Variants in VSIG1 observed in about 807,000 individuals in gnomAD.
VSIG1 encodes V-set and immunoglobulin domain-containing protein 1.
Under a neutral mutation model 20.1 loss-of-function variants are expected in VSIG1, and 11 were observed. That is an observed-to-expected ratio of 0.55 (90% CI 0.34 to 0.91). The LOEUF is 0.91. Among genes scored for constraint, VSIG1 ranks in the 40% least tolerant of loss-of-function variants. The probability of loss-of-function intolerance (pLI) is 0.02; values close to 1 mark genes in which losing one functional copy is unlikely to be tolerated. For synonymous variants in VSIG1, 126 were observed against 116.7 expected, an observed-to-expected ratio of 1.08 and a Z score of -0.52; for missense variants, 283 against 298.8, an observed-to-expected ratio of 0.95 and a Z score of 0.39.
At chrX:108,068,834 C>G (rs1333930258) in intron 3 of VSIG1, among the ~76,000 whole-genome samples, 1 of 111,862 alleles carries the variant, frequency 8.9e-6, no homozygotes, top group Non-Finnish European at 1.9e-5. Flanking sequence ...CTCAGAAGAC[C>G]TGAGTTTTAG....
At chrX:108,061,006 G>T (rs1280118390) in intron 2 of VSIG1, among the ~76,000 whole-genome samples, 1 of 112,362 alleles carries the variant, frequency 8.9e-6, no homozygotes, top group African/African-American at 3.2e-5. Flanking sequence ...ACTAGCCCAA[G>T]ATCAGCTTCG....
intron 1 of VSIG1, among the ~76,000 whole-genome samples, chrX:108,047,405 A>G (rs991551628): frequency 4.5e-5 from 5 of 111,414 alleles, no homozygotes; most frequent in African/African-American, 1.6e-4. Flanking sequence ...TATGCATATC[A>G]TTTTAGGTAT....
At position 108,047,885 on chromosome X, in the gene VSIG1, TAC is replaced by T. The variant is rs1158059422; in HGVS notation, c.49+2712_49+2713del. On this transcript the variant is annotated intron_variant, in intron 1 of 6. Coordinates refer to ENST00000217957, the MANE Select transcript of VSIG1 (RefSeq NM_182607.5). Reference sequence around the variant, plus strand: ...ATATATATATACACATATATATATATACACACATATATATATATACACATATA... The same window carrying T: ...ATATATATATACACATATATATATATACACATATATATATATACACATATA... 2.7e-3 allele frequency among the ~76,000 whole-genome samples: 127 copies of T among 46,596 alleles called. 11 individuals carry two copies. Among genetic ancestry groups the T allele is most frequent in the African/African-American group, 3.7e-3 (23 of 6,286 alleles). 40.5% of individuals were successfully genotyped at this position (46,596 alleles called of 115,157 possible). A position where few individuals can be genotyped will look rare whatever the true frequency, so the allele number is the denominator to read the frequency against.
intron 3 of VSIG1, among the ~76,000 whole-genome samples, chrX:108,067,791 A>G (rs2031162998): frequency 8.9e-6 from 1 of 112,263 alleles, no homozygotes; most frequent in African/African-American, 3.2e-5. Flanking sequence ...GAAGCTCCCA[A>G]TTTTGGCCAT....
At chrX:108,070,957 A>T (rs1392234754) in intron 3 of VSIG1, among the ~76,000 whole-genome samples, 1 of 112,079 alleles carries the variant, frequency 8.9e-6, no homozygotes, top group Admixed American at 9.5e-5. Flanking sequence ...AGCAGGAATT[A>T]GTGCTGCTGT....
At chrX:108,022,524 G>T in the VSIG1 span, among the ~76,000 whole-genome samples, 3 of 111,445 alleles carry the variant, frequency 2.7e-5, no homozygotes, top group African/African-American at 9.8e-5. Context: ...TTCCTATATG[G>T]ATGTCATTTC....
chrX:108,034,331 A>G, the VSIG1 span, among the ~76,000 whole-genome samples: 2 of 111,873 alleles, frequency 1.8e-5, no homozygotes, highest in Non-Finnish European at 3.8e-5. Flanking sequence ...CTTTGAAAAT[A>G]TAAAGGCATA....
intron 5 of VSIG1, among the ~76,000 whole-genome samples, chrX:108,074,222 C>A (rs2147935773): frequency 8.9e-6 from 1 of 112,284 alleles, no homozygotes; most frequent in East Asian, 2.8e-4. Flanking sequence ...TCTTCCTATG[C>A]ACCTGAACTT....
At chrX:108,042,695 G>A (rs2030498507), upstream of VSIG1, among the ~76,000 whole-genome samples, 1 of 111,419 alleles carries the variant, frequency 9.0e-6, no homozygotes, top group Non-Finnish European at 1.9e-5. Flanking sequence ...TAGAGACTTG[G>A]TGGACTTAGA....
the VSIG1 span, among the ~76,000 whole-genome samples, chrX:108,034,409 T>C: frequency 8.9e-6 from 1 of 111,886 alleles, no homozygotes; most frequent in Non-Finnish European, 1.9e-5. Flanking sequence ...GGGCCAGGTA[T>C]AAGCAGCAGG....
At chrX:108,046,058 A>G (rs1305729592) in intron 1 of VSIG1, among the ~76,000 whole-genome samples, 1 of 111,471 alleles carries the variant, frequency 9.0e-6, no homozygotes, top group African/African-American at 3.3e-5. Flanking sequence ...AAGGTTATAT[A>G]CCGAAGTGCT....
At chrX:108,048,731 G>A (rs1335313568) in intron 1 of VSIG1, among the ~76,000 whole-genome samples, 1 of 112,321 alleles carries the variant, frequency 8.9e-6, no homozygotes. Flanking sequence ...TCTACATGTG[G>A]CTATTGAAAT....
rs1025828752 is a variant in VSIG1, at chrX:108,063,927, G to A, written c.214-3009G>A. Among the ~76,000 whole-genome samples the A allele has an allele frequency of 3.6e-5, 4 of 111,653 alleles. No homozygotes were observed. The Admixed American group carries it at 3.8e-4, about 11-fold the overall frequency. ...AGATGTGGCCCATTGTACATCCGGG[G>A]CTTTTTCTGGATCTCCATTGCTTTG... On this transcript the variant is annotated intron_variant, in intron 2 of 6. Coordinates refer to ENST00000217957, the MANE Select transcript of VSIG1 (RefSeq NM_182607.5).
intron 1 of VSIG1, among the ~76,000 whole-genome samples, chrX:108,045,953 G>A: frequency 9.0e-6 from 1 of 111,424 alleles, no homozygotes; most frequent in Non-Finnish European, 1.9e-5. Flanking sequence ...TTAGAATGAG[G>A]TTTACTAGGC....
chrX:108,066,963 G>A lies in VSIG1; in HGVS notation c.241G>A (p.Val81Ile). Residue 81 changes from valine (V) to isoleucine (I), a missense_variant, in exon 3 of 7, where the codon GTA becomes ATA. By Grantham distance (29) the Val-to-Ile change is conservative. Transcript: ENST00000217957. Reference sequence around the variant, plus strand: ...TTACTTTTCTCAAGGTGGACAAGCTGTAGCCATCGGGCAATTTAAAGATCG... The same window carrying A: ...TTACTTTTCTCAAGGTGGACAAGCTATAGCCATCGGGCAATTTAAAGATCG... ...SIYFSQGGQA[V>I]AIGQFKDRIT... 8.3e-7 allele frequency: 1 copy of A among 1,211,283 alleles called. No homozygotes were observed. Among genetic ancestry groups the A allele is most frequent in the Non-Finnish European group, 1.1e-6 (1 of 895,210 alleles).
intron 1 of VSIG1, 106 bp from the exon 2 acceptor site, chrX:108,057,932 C>A: frequency 1.2e-6 from 1 of 805,825 alleles, no homozygotes; most frequent in Non-Finnish European, 1.7e-6. Flanking sequence ...TTCTTCCCCT[C>A]ACCTTGGATT....
At position 108,066,918 on chromosome X, in the gene VSIG1, T is replaced by C. The variant is rs757571436; in HGVS notation, c.214-18T>C. On this transcript the variant is annotated intron_variant, in intron 2 of 6. Coordinates refer to ENST00000217957, the MANE Select transcript of VSIG1 (RefSeq NM_182607.5). ...CTGGACTCTCTCCAGTTCTCACTTC[T>C]GTTATTTTTCTGTCTAGATTTACTT... 1 of 1,204,976 alleles carries C rather than the reference T, an allele frequency of 8.3e-7. No individual in the cohort carries two copies. The highest frequency in any genetic ancestry group is 1.1e-6 in the Non-Finnish European group (1 of 889,384).
chrX:108,073,517 AC>A, intron 5 of VSIG1, 148 bp downstream of exon 5: 1 of 649,377 alleles, frequency 1.5e-6, no homozygotes, highest in Non-Finnish European at 2.3e-6. Context: ...ATGATGAATG[AC>A]CATCCTAATA....
At chrX:108,040,886 A>G (rs2030469376), upstream of VSIG1, among the ~76,000 whole-genome samples, 1 of 110,518 alleles carries the variant, frequency 9.0e-6, no homozygotes, top group South Asian at 3.9e-4. Flanking sequence ...GTGTTTGTGC[A>G]TGTGTACATG....
Sources: gnomAD v4.1 joint callset for allele counts (sites outside exome capture counted in the v4.1 genomes callset) on GRCh38, gnomAD v4.1.1 for gene constraint, MANE v1.5 for transcripts, NCBI Gene and HGNC (gene_info 2026-07-23, HGNC 2026-07-21) for gene names.